CUX1: variants seen among roughly 807,000 people sequenced by gnomAD.
CUX1 encodes protein CASP.
In CUX1, 31 loss-of-function variants were observed where a neutral mutation model predicts 158.8. The observed-to-expected ratio is 0.20, with a 90% CI of 0.15 to 0.26. CUX1 has a LOEUF of 0.26. Among genes scored for constraint, CUX1 ranks in the 10% least tolerant of loss-of-function variants. The pLI is 1.00. For synonymous variants in CUX1, 879 were observed against 862.1 expected, an observed-to-expected ratio of 1.02 and a Z score of -0.34; for missense variants, 1,589 against 2,014.6, an observed-to-expected ratio of 0.79 and a Z score of 4.04.
chr7:102,016,232 G>A (rs1369193493), intron 2 of CUX1, among the ~76,000 whole-genome samples: 4 of 152,206 alleles, frequency 2.6e-5, no homozygotes, highest in African/African-American at 9.6e-5. Flanking sequence ...ACAGGCACAT[G>A]CCCCTGTGCC....
chr7:102,127,023 A>C (rs533521835), intron 8 of CUX1, among the ~76,000 whole-genome samples: 3 of 152,304 alleles, frequency 2.0e-5, no homozygotes, highest in Admixed American at 6.5e-5. Flanking sequence ...ATGAGAATCT[A>C]ATGCTGCTGC....
At chr7:101,877,729 C>T (rs1799293657) in intron 1 of CUX1, among the ~76,000 whole-genome samples, 1 of 147,292 alleles carries the variant, frequency 6.8e-6, no homozygotes, top group Non-Finnish European at 1.5e-5. Flanking sequence ...TTACACTTTT[C>T]AAATCAGTAC....
At chr7:102,112,847 G>A (rs1831076967) in intron 7 of CUX1, among the ~76,000 whole-genome samples, 1 of 152,144 alleles carries the variant, frequency 6.6e-6, no homozygotes, top group African/African-American at 2.4e-5. Context: ...ATTTCTGAAA[G>A]AGAAGCATCA....
chr7:102,213,763 G>A (rs1387240976), intron 20 of CUX1, among the ~76,000 whole-genome samples: 2 of 152,184 alleles, frequency 1.3e-5, no homozygotes, highest in African/African-American at 2.4e-5. Context: ...AGAAAGGGGG[G>A]TGGGAATAAA....
intron 1 of CUX1, among the ~76,000 whole-genome samples, chr7:101,900,135 G>T (rs536654010): frequency 1.6e-4 from 25 of 152,240 alleles, no homozygotes; most frequent in African/African-American, 5.1e-4. Flanking sequence ...AGCACTTCTG[G>T]GCAGCCCATG....
At chr7:102,189,689 T>A in intron 11 of CUX1, 124 bp from the exon 12 acceptor site, 1 of 1,006,294 alleles carries the variant, frequency 9.9e-7, no homozygotes, top group Non-Finnish European at 1.5e-6. Flanking sequence ...CACCGTTGAC[T>A]CCATTCGCAA....
chr7:101,911,086 G>A (rs941134870), intron 1 of CUX1, among the ~76,000 whole-genome samples: 1 of 152,282 alleles, frequency 6.6e-6, no homozygotes, highest in East Asian at 1.9e-4. Flanking sequence ...CTGTGTGCAC[G>A]TAGGCCTTGG....
At position 102,189,734 on chromosome 7, in the gene CUX1, TC is replaced by T. The variant is rs1434260026; in HGVS notation, c.1018-77del. The T allele has an allele frequency of 4.1e-6, 6 of 1,478,526 alleles. No homozygotes were observed. The African/African-American group carries it at 5.5e-5, about 14-fold the overall frequency. The allele number at this position is 1,478,526 out of a possible 1,614,324, so 91.6% of individuals were successfully genotyped here. ...TCCCCTCTCAGGCACAGCTGGCTGTTCCGCAGTGAATGCCGTCGGTGAAGTC... is the reference window on the plus strand; with the variant it reads ...TCCCCTCTCAGGCACAGCTGGCTGTTCGCAGTGAATGCCGTCGGTGAAGTC... On this transcript the variant is annotated intron_variant, in intron 11 of 23. Transcript: ENST00000292535.
At position 102,239,524 on chromosome 7, in the gene CUX1, A is replaced by G; in HGVS notation, c.3827A>G (p.Asp1276Gly). Residue 1276 changes from aspartate to glycine, a missense_variant, in exon 23 of 24, where the codon GAC becomes GGC. This residue lies in a region of CUX1 where 259 missense variants were observed against 373.8 expected (regional missense o/e 0.69). Transcript: ENST00000292535. ...TACCCGTCACCAAAAACCATCGAAG[A>G]CCTCGCCACCCAGCTCAACCTGAAA... ...KPYPSPKTIE[D>G]LATQLNLKTS... 1 of 1,613,848 alleles carries G rather than the reference A, an allele frequency of 6.2e-7. No homozygotes were observed. The highest frequency in any genetic ancestry group is 1.6e-4 in the Middle Eastern group (1 of 6,062).
intron 2 of CUX1, among the ~76,000 whole-genome samples, chr7:101,923,590 G>A (rs371053435): frequency 5.3e-5 from 8 of 152,318 alleles, no homozygotes; most frequent in South Asian, 4.1e-4. Flanking sequence ...CTCAGGGGCC[G>A]TCACTGGTCA....
intron 2 of CUX1, among the ~76,000 whole-genome samples, chr7:102,020,035 G>T (rs1819164563): frequency 6.6e-6 from 1 of 152,132 alleles, no homozygotes; most frequent in South Asian, 2.1e-4. Flanking sequence ...CCTATACACT[G>T]TAAAAATAGG....
At chr7:101,827,725 T>C (rs1004312243) in intron 1 of CUX1, among the ~76,000 whole-genome samples, 1 of 152,216 alleles carries the variant, frequency 6.6e-6, no homozygotes, top group Non-Finnish European at 1.5e-5. Context: ...ATGTGTGATA[T>C]ACTGTATTCT....
chr7:101,965,655 G>A (rs1473115046), intron 2 of CUX1, among the ~76,000 whole-genome samples: 1 of 151,952 alleles, frequency 6.6e-6, no homozygotes, highest in African/African-American at 2.4e-5. Context: ...AGACCATCCT[G>A]GCTAACACAG....
rs185381859 is a variant in CUX1 at position 101,855,662 on chromosome 7, G to T, written c.30+37993G>T. ...TGGGAGGTCAAGGCGGGTGGATCAC[G>T]AGGTCAGGAATTCCAGACCAGCCTG... On this transcript the variant is annotated intron_variant, in intron 1 of 23. Coordinates refer to ENST00000292535, the MANE Select transcript of CUX1 (RefSeq NM_181552.4). Among the ~76,000 whole-genome samples the T allele has an allele frequency of 2.7e-3, 400 of 149,824 alleles. 2 individuals are homozygous for T. The highest frequency in any genetic ancestry group is 9.5e-3 in the African/African-American group (385 of 40,670).
At position 102,257,178 on chromosome 7, in the gene CUX1, T is replaced by C. The variant is rs1586471540; in HGVS notation, c.*8136T>C. 1 of 985,376 alleles carries C rather than the reference T, an allele frequency of 1.0e-6. No homozygotes were observed. Among genetic ancestry groups the C allele is most frequent in the South Asian group, 4.7e-5 (1 of 21,276 alleles). 61.0% of individuals were successfully genotyped at this position (985,376 alleles called of 1,614,324 possible). On this transcript the variant is annotated 3_prime_UTR_variant, in exon 24 of 24. Transcript: ENST00000292535. Reference sequence around the variant, plus strand: ...GGCAAGGGCCCTGCTCACCCCAAGGTAGGCTGGGAAGAGCATCTCTTTCCA... The same window carrying C: ...GGCAAGGGCCCTGCTCACCCCAAGGCAGGCTGGGAAGAGCATCTCTTTCCA...
chr7:102,256,404 T>C lies in CUX1; in HGVS notation c.*7362T>C. 2.0e-6 allele frequency: 2 copies of C among 985,398 alleles called. No individual in the cohort carries two copies. Among genetic ancestry groups the C allele is most frequent in the Non-Finnish European group, 2.4e-6 (2 of 829,902 alleles). 61.0% of individuals were successfully genotyped at this position (985,398 alleles called of 1,614,324 possible). ...GAGTGTATTGTTATTTTGTGTTTTGTTGTCATAAATGCTTTTTGCTGTCAC... is the reference window on the plus strand; with the variant it reads ...GAGTGTATTGTTATTTTGTGTTTTGCTGTCATAAATGCTTTTTGCTGTCAC... On this transcript the variant is annotated 3_prime_UTR_variant, in exon 24 of 24. Coordinates refer to ENST00000292535, the MANE Select transcript of CUX1 (RefSeq NM_181552.4).
chr7:102,168,674 TGTCTGTATGCAGG>T (rs1225063397), intron 9 of CUX1, among the ~76,000 whole-genome samples: 1 of 150,860 alleles, frequency 6.6e-6, no homozygotes, highest in Non-Finnish European at 1.5e-5. Context: ...AATCCTAATT[TGTCTGTATGCAGG>T]GCAAATAGAT....
intron 4 of CUX1, among the ~76,000 whole-genome samples, chr7:102,084,126 T>A (rs1435266907): frequency 6.8e-6 from 1 of 146,074 alleles, no homozygotes. Flanking sequence ...CTTCAAGTGA[T>A]CTGCCCACCT....
intron 14 of CUX1, among the ~76,000 whole-genome samples, chr7:102,265,217 A>T (rs1336393416): frequency 6.6e-6 from 1 of 151,956 alleles, no homozygotes; most frequent in Non-Finnish European, 1.5e-5. Flanking sequence ...TTAGCCGGGC[A>T]TGGTAGCGGG....
Sources: gnomAD v4.1 joint callset for allele counts (sites outside exome capture counted in the v4.1 genomes callset) on GRCh38, gnomAD v4.1.1 for gene constraint, gnomAD v4.1.1 regional missense constraint, MANE v1.5 for transcripts, NCBI Gene and HGNC (gene_info 2026-07-23, HGNC 2026-07-21) for gene names.